Variants in TLN2 observed in about 807,000 individuals in gnomAD.
TLN2 encodes talin-2.
In TLN2, 118 loss-of-function variants were observed where a neutral mutation model predicts 294.7. That is an observed-to-expected ratio of 0.40 (90% confidence interval 0.34 to 0.47). The LOEUF (loss-of-function observed/expected upper bound fraction) is 0.47, where lower values mean the gene tolerates loss of function less well. Among genes scored for constraint, TLN2 ranks in the 20% least tolerant of loss-of-function variants. TLN2 has a pLI of 0.84. For synonymous variants in TLN2, 1,431 were observed against 1,304.5 expected (o/e 1.10, Z -2.09); for missense variants, 3,083 against 3,282.2 (o/e 0.94, Z 1.48).
At chr15:62,692,059 C>G (rs568121160) in intron 12 of TLN2, among the ~76,000 whole-genome samples, 3 of 152,210 alleles carry the variant, frequency 2.0e-5, no homozygotes, top group Non-Finnish European at 2.9e-5. Flanking sequence ...TTCTGGCCTA[C>G]TTTTCAGGGC....
In TLN2 at chr15:62,697,874, G is replaced by C; in HGVS notation, c.1473+6G>C. 1.2e-6 allele frequency: 2 copies of C among 1,610,312 alleles called. No individual in the cohort carries two copies. Among genetic ancestry groups the C allele is most frequent in the Non-Finnish European group, 1.7e-6 (2 of 1,179,042 alleles). ...GAGGCCACATGCCGCCACTGGTGAG[G>C]CTTCCTGTGCTCGTCCCCCACTCGT... On this transcript the variant is annotated splice_donor_region_variant and intron_variant, in intron 15 of 58. Coordinates refer to ENST00000636159, the MANE Select transcript of TLN2 (RefSeq NM_015059.3).
chr15:62,395,302 G>A (rs912645838), intron 1 of TLN2, among the ~76,000 whole-genome samples: 2 of 151,744 alleles, frequency 1.3e-5, no homozygotes, highest in African/African-American at 2.4e-5. Context: ...GATGAGAAAA[G>A]GATGTGAGCA....
intron 1 of TLN2, among the ~76,000 whole-genome samples, chr15:62,531,537 A>G (rs1161445672): frequency 1.3e-5 from 2 of 152,232 alleles, no homozygotes; most frequent in Admixed American, 1.3e-4. Flanking sequence ...GGATGTTTCA[A>G]AATTTCAAAG....
chr15:62,569,245 C>G (rs998639629), intron 1 of TLN2, among the ~76,000 whole-genome samples: 1 of 152,180 alleles, frequency 6.6e-6, no homozygotes, highest in African/African-American at 2.4e-5. Context: ...TATCATTTTC[C>G]AAAATAAGGT....
intron 54 of TLN2, chr15:62,832,574 T>C (rs1418637936): frequency 4.6e-5 from 7 of 152,246 alleles, no homozygotes; most frequent in Non-Finnish European, 1.0e-4. Context: ...TGGTGGTGAA[T>C]TTAGACCAGA....
intron 1 of TLN2, among the ~76,000 whole-genome samples, chr15:62,523,648 A>C (rs987448956): frequency 1.3e-5 from 2 of 152,236 alleles, no homozygotes; most frequent in African/African-American, 4.8e-5. Context: ...ATGGGCAGAA[A>C]AATAAATAAT....
At chr15:62,463,039 G>A (rs1402094103) in intron 1 of TLN2, among the ~76,000 whole-genome samples, 1 of 152,308 alleles carries the variant, frequency 6.6e-6, no homozygotes, top group East Asian at 1.9e-4. Flanking sequence ...CCCCGTCAGA[G>A]TAGGGGTGCC....
At chr15:62,567,720 A>T (rs1331796348) in intron 1 of TLN2, among the ~76,000 whole-genome samples, 1 of 152,090 alleles carries the variant, frequency 6.6e-6, no homozygotes, top group African/African-American at 2.4e-5. Context: ...CTGTAATCCC[A>T]GCTACTTGGG....
At chr15:62,700,412 C>T (rs1482351887) in intron 16 of TLN2, among the ~76,000 whole-genome samples, 1 of 152,036 alleles carries the variant, frequency 6.6e-6, no homozygotes, top group African/African-American at 2.4e-5. Flanking sequence ...TTTATAGGTT[C>T]AAATAAACGT....
At chr15:62,834,881 T>C (rs556106916) in intron 55 of TLN2, 2 of 152,330 alleles carry the variant, frequency 1.3e-5, no homozygotes, top group East Asian at 3.9e-4. Flanking sequence ...AACTTGGACA[T>C]GGCAGAGTCC....
chr15:62,707,165 T>C lies in TLN2; in HGVS notation c.2084T>C (p.Val695Ala). The stretch of plus-strand genomic sequence containing the variant: ...CTAAAGGCAAAGAATGTTGCCCAAG[T>C]GGCCGAAGACACTGTCCTACAGAAC... ...LVLKAKNVAQ[V>A]AEDTVLQNRV... The change falls in exon 20 of 59, where the codon GTG (valine) becomes GCG (alanine). Residue 695 changes from valine to alanine, a missense_variant. Transcript: ENST00000636159. 1 of 1,614,238 alleles carries C rather than the reference T, an allele frequency of 6.2e-7. No individual in the cohort carries two copies. Among genetic ancestry groups the C allele is most frequent in the Non-Finnish European group, 8.5e-7 (1 of 1,180,048 alleles).
chr15:62,648,133 A>G (rs540974850), intron 4 of TLN2, among the ~76,000 whole-genome samples: 3 of 152,244 alleles, frequency 2.0e-5, no homozygotes, highest in East Asian at 3.9e-4. Flanking sequence ...AAAAATGGAA[A>G]GAATAGGCCA....
At chr15:62,734,926 G>A (rs1375211807) in intron 28 of TLN2, among the ~76,000 whole-genome samples, 1 of 152,144 alleles carries the variant, frequency 6.6e-6, no homozygotes, top group Admixed American at 6.5e-5. Context: ...AGCAGTGGCT[G>A]GTAAAGACTA....
intron 6 of TLN2, among the ~76,000 whole-genome samples, chr15:62,652,684 G>A (rs2052725821): frequency 1.3e-5 from 2 of 152,220 alleles, no homozygotes; most frequent in Admixed American, 6.5e-5. Flanking sequence ...GACCTCCTCT[G>A]TGGCGGTGTT....
At chr15:62,440,716 T>C (rs1595809519) in intron 1 of TLN2, among the ~76,000 whole-genome samples, 3 of 152,196 alleles carry the variant, frequency 2.0e-5, no homozygotes, top group African/African-American at 7.2e-5. Flanking sequence ...TTACTTAGGA[T>C]TGATACCTCC....
intron 12 of TLN2, among the ~76,000 whole-genome samples, chr15:62,689,500 C>T (rs559457259): frequency 9.2e-4 from 140 of 152,196 alleles, no homozygotes; most frequent in African/African-American, 3.2e-3. Context: ...CTAAAGTTCC[C>T]AGCCTTCTTC....
chr15:62,755,657 C>T lies in TLN2; in HGVS notation c.4602C>T (p.Val1534=), dbSNP rs771407014. Residue 1534 remains valine, a synonymous_variant, in exon 37 of 59, where the codon GTC becomes GTT. Coordinates refer to ENST00000636159, the MANE Select transcript of TLN2 (RefSeq NM_015059.3). ...ACTTCGTCCAGTCAGCCAAGGAAGTCGCCAACAGCACTGCCAACCTGGTGA... is the reference window on the plus strand; with the variant it reads ...ACTTCGTCCAGTCAGCCAAGGAAGTTGCCAACAGCACTGCCAACCTGGTGA... ...KRHFVQSAKE[V]ANSTANLVKT... 18 of 1,614,228 alleles carry T rather than the reference C, an allele frequency of 1.1e-5. No individual in the cohort carries two copies. Among genetic ancestry groups the T allele is most frequent in the South Asian group, 5.5e-5 (5 of 91,068 alleles).
chr15:62,417,125 C>T (rs1199114185), intron 1 of TLN2, among the ~76,000 whole-genome samples: 1 of 152,120 alleles, frequency 6.6e-6, no homozygotes, highest in Non-Finnish European at 1.5e-5. Flanking sequence ...GCAAGGTCAC[C>T]TCCTCCTCCC....
At chr15:62,763,010 C>T (rs750367531) in intron 39 of TLN2, among the ~76,000 whole-genome samples, 12 of 152,196 alleles carry the variant, frequency 7.9e-5, no homozygotes, top group African/African-American at 1.4e-4. Context: ...GTAAATACCT[C>T]GCAGCATGAA....
Sources: gnomAD v4.1 joint callset for allele counts (sites outside exome capture counted in the v4.1 genomes callset) on GRCh38, gnomAD v4.1.1 for gene constraint, MANE v1.5 for transcripts, NCBI Gene and HGNC (gene_info 2026-07-23, HGNC 2026-07-21) for gene names.